Variants in TSC22D2 observed in about 807,000 individuals in gnomAD.
TSC22D2 encodes the protein TSC22 domain family member 2, also known as TSC22 domain family protein 2.
In TSC22D2, 5 loss-of-function variants were observed where a neutral mutation model predicts 50.1. The observed-to-expected ratio is 0.10, with a 90% CI of 0.05 to 0.21. The LOEUF (loss-of-function observed/expected upper bound fraction) is 0.21, where lower values mean the gene tolerates loss of function less well. Ranked by LOEUF, TSC22D2 falls within the 10% of genes least tolerant of loss-of-function variation. The pLI is 1.00. For synonymous variants in TSC22D2, 501 were observed against 450.1 expected (o/e 1.11, Z -1.43); for missense variants, 1,003 against 1,015.5 (o/e 0.99, Z 0.17).
At position 150,409,753 on chromosome 3, in the gene TSC22D2, G is replaced by C. The variant is rs778181419; in HGVS notation, c.403G>C (p.Gly135Arg). 1.2e-6 allele frequency: 2 copies of C among 1,601,402 alleles called. No homozygotes were observed. The highest frequency in any genetic ancestry group is 8.5e-7 in the Non-Finnish European group (1 of 1,178,338). The change falls in exon 1 of 3, where the codon GGC becomes CGC. Residue 135 changes from glycine (G) to arginine (R), a missense_variant. Physicochemically the swap from Gly to Arg is moderately radical, Grantham distance 125. Around this residue, in one of 6 missense-constraint regions of TSC22D2, gnomAD observed 200 missense variants for 182.8 expected, o/e 1.09. Coordinates refer to ENST00000688009, the MANE Select transcript of TSC22D2 (RefSeq NM_001303264.2). The surrounding 1 kb of genome is among the most constrained non-coding windows in gnomAD (Gnocchi z 7.4). ...ATSAPAPGAP[G>R]GPQLAGSSAG... ...TTCGGCCCCCGCCCCCGGAGCACCC[G>C]GCGGCCCCCAGCTCGCGGGCTCATC...
Position 150,411,204 on chromosome 3 carries a change from G to A in TSC22D2, c.1854G>A (p.Pro618=), listed in dbSNP as rs751894052. The change falls in exon 1 of 3, where the codon CCG becomes CCA. Residue 618 remains proline, a synonymous_variant. Coordinates refer to ENST00000688009, the MANE Select transcript of TSC22D2 (RefSeq NM_001303264.2). ...CTGAAAATAAGCCTGTTGTGAAGCCGCCTGTTGCAGATTCCCTGGCAAACC... is the reference window on the plus strand; with the variant it reads ...CTGAAAATAAGCCTGTTGTGAAGCCACCTGTTGCAGATTCCCTGGCAAACC... ...LIAENKPVVK[P]PVADSLANPL... is the part of the protein sequence containing the mutation. 18 of 1,614,028 alleles carry A rather than the reference G, an allele frequency of 1.1e-5. No homozygotes were observed. Among genetic ancestry groups the A allele is most frequent in the South Asian group, 3.3e-5 (3 of 91,086 alleles).
intron 1 of TSC22D2, chr3:150,438,263 T>C (rs1293292084): frequency 4.8e-6 from 2 of 418,066 alleles, no homozygotes; most frequent in Admixed American, 4.8e-5. Context: ...GCCGAAAGTT[T>C]AAAAGTTGTG....
At chr3:150,456,283 G>A (rs1009937705) in intron 1 of TSC22D2, among the ~76,000 whole-genome samples, 13 of 151,410 alleles carry the variant, frequency 8.6e-5, no homozygotes, top group African/African-American at 3.2e-4. Flanking sequence ...TGCCTCCTGG[G>A]TTCAAGTGAT....
chr3:150,434,314 G>A (rs1720470461), intron 1 of TSC22D2, among the ~76,000 whole-genome samples: 1 of 151,892 alleles, frequency 6.6e-6, no homozygotes. Context: ...GCTAATTTTT[G>A]TATTTTTCAT....
In TSC22D2 at chr3:150,460,209, T is replaced by G. The variant is rs1721353647; in HGVS notation, c.*1573T>G. 1 of 152,206 alleles carries G rather than the reference T, an allele frequency of 6.6e-6. No individual in the cohort carries two copies. Among genetic ancestry groups the G allele is most frequent in the African/African-American group, 2.4e-5 (1 of 41,452 alleles). The allele number at this position is 152,206 out of a possible 1,614,324, so 9.4% of individuals were successfully genotyped here. A position where few individuals can be genotyped will look rare whatever the true frequency, so the allele number is the denominator to read the frequency against. On this transcript the variant is annotated 3_prime_UTR_variant, in exon 3 of 3. Coordinates refer to ENST00000688009, the MANE Select transcript of TSC22D2 (RefSeq NM_001303264.2). ...TAAAGACCTGTTAATAATGACTTACTGATAGTTCTTAAATTTTCAAAGTAA... is the reference window on the plus strand; with the variant it reads ...TAAAGACCTGTTAATAATGACTTACGGATAGTTCTTAAATTTTCAAAGTAA...
intron 1 of TSC22D2, among the ~76,000 whole-genome samples, chr3:150,417,780 A>T (rs1432226861): frequency 6.6e-6 from 1 of 152,124 alleles, no homozygotes; most frequent in Non-Finnish European, 1.5e-5. Flanking sequence ...TCATACCAAG[A>T]ATCTTCCATT....
chr3:150,458,616 C>G lies in TSC22D2; in HGVS notation c.2251C>G (p.Pro751Ala), dbSNP rs1251592208. The change falls in exon 3 of 3, where the codon CCG becomes GCG. Residue 751 changes from proline to alanine, a missense_variant. By Grantham distance (27) the Pro-to-Ala change is conservative. Around this residue, in one of 6 missense-constraint regions of TSC22D2, gnomAD observed 54 missense variants for 51.4 expected, o/e 1.05. Coordinates refer to ENST00000688009, the MANE Select transcript of TSC22D2 (RefSeq NM_001303264.2). ...PPQPTQPPQQ[P>A]NVSSA Reference sequence around the variant, plus strand: ...GCAGCCAACGCAACCTCCACAGCAGCCGAATGTCTCCTCAGCATAAAGCTT... The same window carrying G: ...GCAGCCAACGCAACCTCCACAGCAGGCGAATGTCTCCTCAGCATAAAGCTT... The G allele has an allele frequency of 6.2e-7, 1 of 1,613,948 alleles. No individual in the cohort carries two copies. The highest frequency in any genetic ancestry group is 8.5e-7 in the Non-Finnish European group (1 of 1,179,994).
At chr3:150,424,477 T>C (rs1720112435) in intron 1 of TSC22D2, among the ~76,000 whole-genome samples, 1 of 152,188 alleles carries the variant, frequency 6.6e-6, no homozygotes, top group Non-Finnish European at 1.5e-5. Context: ...ATATATATTA[T>C]TTTTATCAGT....
intron 1 of TSC22D2, among the ~76,000 whole-genome samples, chr3:150,453,326 A>G (rs1318390844): frequency 6.6e-6 from 1 of 152,260 alleles, no homozygotes; most frequent in Non-Finnish European, 1.5e-5. Flanking sequence ...TCATTTTAAA[A>G]GAGTCAAATC....
Position 150,410,848 on chromosome 3 carries a change from C to T in TSC22D2, c.1498C>T (p.His500Tyr). 6.2e-7 allele frequency: 1 copy of T among 1,613,868 alleles called. No individual in the cohort carries two copies. Among genetic ancestry groups the T allele is most frequent in the Non-Finnish European group, 8.5e-7 (1 of 1,180,018 alleles). Reference sequence around the variant, plus strand: ...GCTGTCAGCCGTACCTGGTGGCCCTCACGCCGTGGTGCCCGGAGTTCCAAA... The same window carrying T: ...GCTGTCAGCCGTACCTGGTGGCCCTTACGCCGTGGTGCCCGGAGTTCCAAA... ...GPLSAVPGGP[H>Y]AVVPGVPNVP... The change falls in exon 1 of 3, where the codon CAC (histidine) becomes TAC (tyrosine). Residue 500 changes from histidine to tyrosine, a missense_variant. Transcript: ENST00000688009.
chr3:150,431,085 C>T (rs1369908420), intron 1 of TSC22D2, among the ~76,000 whole-genome samples: 4 of 151,602 alleles, frequency 2.6e-5, no homozygotes, highest in Admixed American at 6.6e-5. Context: ...ATTAGCCAGG[C>T]GTGGTGGCAG....
rs1302947789 is a variant in TSC22D2 at position 150,462,055 on chromosome 3, A to G, written c.*3419A>G. ...AAAAGGACAAAACCCAGCCCTCAAA[A>G]TTGACAATTTGAGGACATAATAAGC... is the stretch of plus-strand genomic sequence containing the variant. On this transcript the variant is annotated 3_prime_UTR_variant, in exon 3 of 3. Transcript: ENST00000688009. 1 of 152,132 alleles carries G rather than the reference A, an allele frequency of 6.6e-6. No individual in the cohort carries two copies. The highest frequency in any genetic ancestry group is 1.5e-5 in the Non-Finnish European group (1 of 68,016). The allele number at this position is 152,132 out of a possible 1,614,324, so 9.4% of individuals were successfully genotyped here. A position where few individuals can be genotyped will look rare whatever the true frequency, so the allele number is the denominator to read the frequency against.
In TSC22D2 at chr3:150,410,895, T is replaced by C. The variant is rs1719528194; in HGVS notation, c.1545T>C (p.Ala515=). The change falls in exon 1 of 3, where the codon GCT becomes GCC. Residue 515 remains alanine (A), a synonymous_variant. Transcript: ENST00000688009. The part of the protein sequence containing the change: ...GVPNVPAAVP[A]PSVPSVSTTS... ...CAAACGTGCCTGCAGCCGTGCCCGC[T>C]CCAAGCGTGCCTAGTGTGTCTACCA... is the stretch of plus-strand genomic sequence containing the variant. The C allele has an allele frequency of 1.2e-6, 2 of 1,613,842 alleles. No individual in the cohort carries two copies. Among genetic ancestry groups the C allele is most frequent in the Admixed American group, 1.7e-5 (1 of 60,000 alleles).
rs1175861710 is a variant in TSC22D2, at chr3:150,458,745, G to C, written c.*109G>C. The C allele has an allele frequency of 7.0e-7, 1 of 1,431,752 alleles. No individual in the cohort carries two copies. The highest frequency in any genetic ancestry group is 2.3e-5 in the Admixed American group (1 of 43,404). The allele number at this position is 1,431,752 out of a possible 1,614,324, so 88.7% of individuals were successfully genotyped here. On this transcript the variant is annotated 3_prime_UTR_variant, in exon 3 of 3. Transcript: ENST00000688009. The stretch of plus-strand genomic sequence containing the variant: ...GCAAGTAGCCATGCTTTGGTTGTGT[G>C]TTTGGCCTTTTCAGTATTAGACAAT...
intron 1 of TSC22D2, among the ~76,000 whole-genome samples, chr3:150,416,003 GT>G (rs1719782044): frequency 6.6e-6 from 1 of 152,124 alleles, no homozygotes; most frequent in Non-Finnish European, 1.5e-5. Flanking sequence ...AAATAAATCT[GT>G]TTCCTAATAA....
At position 150,432,542 on chromosome 3, in the gene TSC22D2, A is replaced by AT. The variant is rs200797625; in HGVS notation, c.1958+21241dup. ...TGAACTAATTCGCCAAATTCGATGTATTTTTTTCTACCGAATCTAAAATTC... is the reference window on the plus strand; with the variant it reads ...TGAACTAATTCGCCAAATTCGATGTATTTTTTTTCTACCGAATCTAAAATTC... On this transcript the variant is annotated intron_variant, in intron 1 of 2. Coordinates refer to ENST00000688009, the MANE Select transcript of TSC22D2 (RefSeq NM_001303264.2). Among the ~76,000 whole-genome samples, 42 of 151,124 alleles carry AT rather than the reference A, an allele frequency of 2.8e-4. No individual in the cohort carries two copies. The East Asian group carries it at 7.9e-3, about 29-fold the overall frequency.
intron 1 of TSC22D2, among the ~76,000 whole-genome samples, chr3:150,451,168 T>C (rs955275204): frequency 4.0e-4 from 61 of 152,238 alleles, no homozygotes; most frequent in African/African-American, 1.4e-3. Context: ...AGTGCATTTA[T>C]AGTTGTGATT....
At chr3:150,417,646 A>C (rs2108064879) in intron 1 of TSC22D2, among the ~76,000 whole-genome samples, 1 of 152,210 alleles carries the variant, frequency 6.6e-6, no homozygotes, top group South Asian at 2.1e-4. Context: ...TAAGGAATTA[A>C]ATGATGTGTG....
At chr3:150,421,919 G>A (rs6799106) in intron 1 of TSC22D2, among the ~76,000 whole-genome samples, 25,169 of 152,138 alleles carry the variant, frequency 0.17, 2,263 homozygotes, top group Non-Finnish European at 0.2. Flanking sequence ...CTTTAACACT[G>A]CTATGTGTTT....
Sources: allele counts gnomAD v4.1 joint callset (sites outside exome capture counted in the v4.1 genomes callset), GRCh38; gene constraint gnomAD v4.1.1; regional missense constraint gnomAD v4.1.1; non-coding constraint Gnocchi (gnomAD v3.1); transcripts MANE v1.5; gene names NCBI Gene and HGNC (gene_info 2026-07-23, HGNC 2026-07-21).